NAV2: variants seen among roughly 807,000 people sequenced by gnomAD.
NAV2 encodes helicase, APC down-regulated 1.
Under a neutral mutation model 223.2 loss-of-function variants are expected in NAV2, and 54 were observed. The ratio of observed to expected loss-of-function variants is 0.24; its 90% CI spans 0.19 to 0.30. NAV2 has a LOEUF of 0.30. NAV2 is among the 10% of genes least tolerant of loss of function. The pLI is 1.00. For missense variants in NAV2, 2,806 were observed against 3,147.5 expected (o/e 0.89, Z 2.60); for synonymous variants, 1,279 against 1,239.3 (o/e 1.03, Z -0.67).
chr11:19,525,198 A>G (rs1435660974), intron 1 of NAV2, among the ~76,000 whole-genome samples: 2 of 152,216 alleles, frequency 1.3e-5, no homozygotes, highest in Non-Finnish European at 2.9e-5. Context: ...TCATTGACAG[A>G]TGGGGAAACT....
chr11:19,782,238 C>A (rs1031235615), intron 1 of NAV2, among the ~76,000 whole-genome samples: 2 of 152,144 alleles, frequency 1.3e-5, no homozygotes, highest in East Asian at 3.9e-4. Context: ...GGGTAATGAG[C>A]CCTCATAGCC....
At chr11:19,968,417 A>G (rs2048953572) in intron 10 of NAV2, among the ~76,000 whole-genome samples, 1 of 152,006 alleles carries the variant, frequency 6.6e-6, no homozygotes, top group African/African-American at 2.4e-5. Flanking sequence ...ACGGGGTTTC[A>G]CCATGTTGGC....
rs113905147 is a variant in NAV2 at position 19,433,814 on chromosome 11, T to C, written c.75+82787T>C. Reference sequence around the variant, plus strand: ...TCATTGCTTTTCAAAAGATCTCACATCCAATTGAATGTTTAAAGTATTATA... The same window carrying C: ...TCATTGCTTTTCAAAAGATCTCACACCCAATTGAATGTTTAAAGTATTATA... On this transcript the variant is annotated intron_variant, in intron 1 of 37. Transcript: ENST00000360655. Among the ~76,000 whole-genome samples the C allele has an allele frequency of 1.6e-3, 242 of 152,330 alleles. 1 individual carries two copies. The highest frequency in any genetic ancestry group is 5.5e-3 in the African/African-American group (227 of 41,564).
intron 1 of NAV2, among the ~76,000 whole-genome samples, chr11:19,402,796 A>G (rs1849741274): frequency 6.6e-6 from 1 of 152,256 alleles, no homozygotes; most frequent in African/African-American, 2.4e-5. Context: ...CTCTCAGCAC[A>G]GCGCATGGCA....
intron 1 of NAV2, among the ~76,000 whole-genome samples, chr11:19,796,009 C>A (rs1189005224): frequency 1.3e-5 from 2 of 152,118 alleles, no homozygotes; most frequent in Non-Finnish European, 2.9e-5. Flanking sequence ...TAGTGAGCAG[C>A]TCCTAAGAGT....
At chr11:19,957,106 G>T (rs2047945986) in intron 10 of NAV2, among the ~76,000 whole-genome samples, 1 of 152,126 alleles carries the variant, frequency 6.6e-6, no homozygotes, top group Non-Finnish European at 1.5e-5. Context: ...TGCCCCTAAT[G>T]CACTGCCATC....
intron 10 of NAV2, among the ~76,000 whole-genome samples, chr11:19,973,766 G>A (rs944076442): frequency 2.0e-5 from 3 of 152,190 alleles, no homozygotes; most frequent in African/African-American, 4.8e-5. Flanking sequence ...TGTTGACAAC[G>A]TAGAAGGCTT....
At chr11:20,056,672 C>A in intron 19 of NAV2, 1 of 1,292,204 alleles carries the variant, frequency 7.7e-7, no homozygotes, top group Non-Finnish European at 1.1e-6. Context: ...CATCCCCACC[C>A]CATGAAGATG....
intron 1 of NAV2, among the ~76,000 whole-genome samples, chr11:19,714,891 GCAGT>G (rs2152325263): frequency 6.6e-6 from 1 of 152,290 alleles, no homozygotes; most frequent in African/African-American, 2.4e-5. Flanking sequence ...TATTTTCTTG[GCAGT>G]CAGTCAGCAG....
intron 1 of NAV2, among the ~76,000 whole-genome samples, chr11:19,568,892 T>G (rs1310170521): frequency 1.3e-5 from 2 of 152,230 alleles, no homozygotes; most frequent in Non-Finnish European, 2.9e-5. Flanking sequence ...ACATTTCAGA[T>G]GTACTGCCCT....
At chr11:19,985,558 T>TG (rs1420954144) in intron 11 of NAV2, among the ~76,000 whole-genome samples, 5 of 149,466 alleles carry the variant, frequency 3.3e-5, no homozygotes, top group Non-Finnish European at 5.9e-5. Flanking sequence ...AAGTTTTTTT[T>TG]GTTTTTTTGT....
chr11:19,695,867 G>C (rs189813677), intron 1 of NAV2, among the ~76,000 whole-genome samples: 1 of 31,944 alleles, frequency 3.1e-5, no homozygotes, highest in East Asian at 2.5e-3. Flanking sequence ...TCACACCAGT[G>C]TACTCCAGCC....
chr11:20,046,305 C>T (rs1024267925), intron 14 of NAV2, among the ~76,000 whole-genome samples: 6 of 149,146 alleles, frequency 4.0e-5, no homozygotes, highest in African/African-American at 1.2e-4. Flanking sequence ...CACTGCACTC[C>T]AGCCTGGGCA....
At chr11:19,864,268 T>C (rs1277955873) in intron 3 of NAV2, among the ~76,000 whole-genome samples, 1 of 152,180 alleles carries the variant, frequency 6.6e-6, no homozygotes, top group Non-Finnish European at 1.5e-5. Context: ...AATGTCATCT[T>C]CCCCTAGGCT....
chr11:19,796,180 A>G (rs1047372227), intron 1 of NAV2, among the ~76,000 whole-genome samples: 5 of 152,218 alleles, frequency 3.3e-5, no homozygotes, highest in Non-Finnish European at 2.9e-5. Flanking sequence ...AGGGAATTGG[A>G]TACTTATAGA....
chr11:19,559,649 C>T (rs2045029045), intron 1 of NAV2, among the ~76,000 whole-genome samples: 1 of 152,156 alleles, frequency 6.6e-6, no homozygotes, highest in Non-Finnish European at 1.5e-5. Flanking sequence ...CTTATCCCCA[C>T]AGGCAATAGC....
intron 1 of NAV2, among the ~76,000 whole-genome samples, chr11:19,817,190 C>T (rs962902185): frequency 6.6e-6 from 1 of 152,126 alleles, no homozygotes; most frequent in African/African-American, 2.4e-5. Flanking sequence ...CACTCACCTG[C>T]CCTGGTCTGA....
intron 1 of NAV2, among the ~76,000 whole-genome samples, chr11:19,604,430 T>C (rs569143887): frequency 6.6e-6 from 1 of 152,018 alleles, no homozygotes; most frequent in African/African-American, 2.4e-5. Context: ...ACTCCAAGCA[T>C]TGGGGTCCGA....
intron 1 of NAV2, among the ~76,000 whole-genome samples, chr11:19,497,409 A>T (rs1413085815): frequency 6.6e-6 from 1 of 152,222 alleles, no homozygotes; most frequent in East Asian, 1.9e-4. Flanking sequence ...CAGAGATAGA[A>T]GATGCCAGAA....
Sources: gnomAD v4.1 joint callset for allele counts (sites outside exome capture counted in the v4.1 genomes callset) on GRCh38, gnomAD v4.1.1 for gene constraint, MANE v1.5 for transcripts, NCBI Gene and HGNC (gene_info 2026-07-23, HGNC 2026-07-21) for gene names.